Variants in DNAH9 observed in about 807,000 individuals in gnomAD.
DNAH9 encodes dynein axonemal heavy chain 9, also known as DNAH9 variant protein.
A neutral mutation model predicts 471.6 loss-of-function variants in DNAH9; 345 were observed. That is an observed-to-expected ratio of 0.73 (90% CI 0.67 to 0.80). DNAH9 has a LOEUF of 0.80. Ranked by LOEUF, DNAH9 falls within the 30% of genes least tolerant of loss-of-function variation. The probability of loss-of-function intolerance (pLI) is 0.00; values close to 1 mark genes in which losing one functional copy is unlikely to be tolerated. For synonymous variants in DNAH9, 2,093 were observed against 2,123.6 expected, an observed-to-expected ratio of 0.99 and a Z score of 0.40; for missense variants, 5,407 against 5,609.2, an observed-to-expected ratio of 0.96 and a Z score of 1.15.
chr17:11,636,002 T>C (rs565286089), intron 8 of DNAH9, among the ~76,000 whole-genome samples: 1 of 152,124 alleles, frequency 6.6e-6, no homozygotes, highest in South Asian at 2.1e-4. Context: ...GTTTATTTGT[T>C]TGTTTGGTTT....
At chr17:11,934,625 A>AT (rs35078002) in intron 65 of DNAH9, among the ~76,000 whole-genome samples, 3 of 150,622 alleles carry the variant, frequency 2.0e-5, no homozygotes, top group Admixed American at 1.3e-4. Context: ...TTATTTTTGT[A>AT]TTTTTTTTAG....
intron 38 of DNAH9, among the ~76,000 whole-genome samples, chr17:11,778,896 C>A (rs1190777693): frequency 6.6e-6 from 1 of 151,952 alleles, no homozygotes; most frequent in Admixed American, 6.6e-5. Context: ...ATCCCAGCTA[C>A]TTGGGAGGCT....
At chr17:11,633,969 G>T (rs543472608) in intron 8 of DNAH9, among the ~76,000 whole-genome samples, 5 of 152,112 alleles carry the variant, frequency 3.3e-5, no homozygotes, top group Non-Finnish European at 7.3e-5. Flanking sequence ...TCTTCTGATG[G>T]TCCCCACCAT....
At chr17:11,650,033 T>C (rs189419678) in intron 12 of DNAH9, among the ~76,000 whole-genome samples, 56 of 152,346 alleles carry the variant, frequency 3.7e-4, no homozygotes, top group Middle Eastern at 6.8e-3. Flanking sequence ...TACTTCCCTA[T>C]TATATTAATA....
intron 7 of DNAH9, among the ~76,000 whole-genome samples, chr17:11,631,362 A>C (rs1221328840): frequency 1.3e-5 from 2 of 152,200 alleles, no homozygotes; most frequent in Non-Finnish European, 2.9e-5. Context: ...ATCCAGGGGA[A>C]TCTTAGTTGG....
chr17:11,653,348 CA>C (rs1329245316), intron 14 of DNAH9, among the ~76,000 whole-genome samples: 1 of 152,158 alleles, frequency 6.6e-6, no homozygotes, highest in Non-Finnish European at 1.5e-5. Context: ...CTTGCCCACA[CA>C]ACATATTGTG....
chr17:11,942,904 T>C (rs1024525511), intron 67 of DNAH9, among the ~76,000 whole-genome samples: 13 of 149,628 alleles, frequency 8.7e-5, no homozygotes, highest in Non-Finnish European at 1.9e-4. Flanking sequence ...TTCTTTTTTT[T>C]TTTTTTTTTG....
At chr17:11,656,782 G>C (rs1233586071) in intron 14 of DNAH9, among the ~76,000 whole-genome samples, 2 of 152,064 alleles carry the variant, frequency 1.3e-5, no homozygotes, top group Non-Finnish European at 2.9e-5. Flanking sequence ...CTCAATCACT[G>C]ATCAGCTTTT....
chr17:11,869,660 G>A (rs1423295915), intron 51 of DNAH9, among the ~76,000 whole-genome samples: 1 of 152,164 alleles, frequency 6.6e-6, no homozygotes, highest in Non-Finnish European at 1.5e-5. Context: ...AGAAAAGAAT[G>A]AGACCTACTG....
chr17:11,901,117 TATG>T (rs943441059), intron 59 of DNAH9, among the ~76,000 whole-genome samples: 1 of 152,140 alleles, frequency 6.6e-6, no homozygotes, highest in African/African-American at 2.4e-5. Flanking sequence ...CTTTGGGTAT[TATG>T]ATGCTTAGGG....
intron 3 of DNAH9, among the ~76,000 whole-genome samples, chr17:11,611,372 C>T (rs2072633881): frequency 6.6e-6 from 1 of 152,226 alleles, no homozygotes; most frequent in African/African-American, 2.4e-5. Context: ...CTCAACCTTA[C>T]TGCCAGAGCT....
intron 26 of DNAH9, among the ~76,000 whole-genome samples, chr17:11,715,525 G>T (rs915250972): frequency 2.0e-5 from 3 of 152,160 alleles, no homozygotes; most frequent in Non-Finnish European, 2.9e-5. Context: ...ACCTGACATG[G>T]TGAAAGAGTC....
At chr17:11,685,594 G>A (rs2074227986) in intron 19 of DNAH9, among the ~76,000 whole-genome samples, 1 of 152,120 alleles carries the variant, frequency 6.6e-6, no homozygotes. Context: ...CAGAGATGAG[G>A]GAGAGGGGAA....
At position 11,781,041 on chromosome 17, in the gene DNAH9, G is replaced by T; in HGVS notation, c.7585G>T (p.Gly2529Cys). 6.2e-7 allele frequency: 1 copy of T among 1,614,100 alleles called. No homozygotes were observed. Among genetic ancestry groups the T allele is most frequent in the Non-Finnish European group, 8.5e-7 (1 of 1,179,992 alleles). ...GGAGAAGCCTCTGGAAAAGAAGGCT[G>T]GCAGAAACTATGGCCCTCCAGGGAA... ...VLEKPLEKKA[G>C]RNYGPPGNKK... Residue 2529 changes from glycine (G) to cysteine (C), a missense_variant, in exon 39 of 69, where the codon GGC (glycine) becomes TGC (cysteine). Physicochemically the swap from Gly to Cys is radical, Grantham distance 159. Around this residue, in one of 3 missense-constraint regions of DNAH9, gnomAD observed 4,636 missense variants for 4,900.3 expected, o/e 0.95. Transcript: ENST00000262442.
chr17:11,732,524 C>CCTACAGAAGCGATTATG (rs1326866726), intron 28 of DNAH9, among the ~76,000 whole-genome samples: 1 of 151,970 alleles, frequency 6.6e-6, no homozygotes, highest in African/African-American at 2.4e-5. Flanking sequence ...CCCAGTAACT[C>CCTACAGAAGCGATTATG]CTACAGAAGC....
Position 11,602,737 on chromosome 17 carries a change from A to G in DNAH9, c.417+3822A>G, listed in dbSNP as rs546556503. On this transcript the variant is annotated intron_variant, in intron 1 of 68. Coordinates refer to ENST00000262442, the MANE Select transcript of DNAH9 (RefSeq NM_001372.4). ...TTCTCTGTATCTTTGTCCTCCAGTGATCTTGTCCTCCTCCCGATCATAAGC... is the reference window on the plus strand; with the variant it reads ...TTCTCTGTATCTTTGTCCTCCAGTGGTCTTGTCCTCCTCCCGATCATAAGC... Among the ~76,000 whole-genome samples, 6 of 152,164 alleles carry G rather than the reference A, an allele frequency of 3.9e-5. No individual in the cohort carries two copies. The South Asian group carries it at 1.2e-3, about 32-fold the overall frequency.
At chr17:11,881,450 G>A in intron 55 of DNAH9, 37 bp downstream of exon 55, 1 of 1,592,390 alleles carries the variant, frequency 6.3e-7, no homozygotes, top group Non-Finnish European at 8.6e-7. Context: ...TGCCACTAGA[G>A]CCTGCAGTGT....
chr17:11,600,509 T>G (rs2072362712), intron 1 of DNAH9, among the ~76,000 whole-genome samples: 1 of 152,148 alleles, frequency 6.6e-6, no homozygotes, highest in South Asian at 2.1e-4. Context: ...ATGAAAATTC[T>G]CGAATGTTTA....
At chr17:11,794,036 ATTTTTTTT>A (rs35741238) in intron 42 of DNAH9, among the ~76,000 whole-genome samples, 4 of 80,892 alleles carry the variant, frequency 4.9e-5, no homozygotes, top group African/African-American at 2.0e-4. Flanking sequence ...ATTTTGAGCA[ATTTTTTTT>A]TTTTTTTTTT....
Sources: gnomAD v4.1 joint callset for allele counts (sites outside exome capture counted in the v4.1 genomes callset) on GRCh38, gnomAD v4.1.1 for gene constraint, gnomAD v4.1.1 regional missense constraint, MANE v1.5 for transcripts, NCBI Gene and HGNC (gene_info 2026-07-23, HGNC 2026-07-21) for gene names.